The following DNAH3 variants were observed in gnomAD, a reference collection of about 807,000 sequenced individuals.
DNAH3 encodes axonemal beta dynein heavy chain 3.
DNAH3 carries 332 observed loss-of-function variants against 432.5 expected under a neutral mutation model. The ratio of observed to expected loss-of-function variants is 0.77; its 90% CI spans 0.70 to 0.84. DNAH3 has a LOEUF of 0.84. DNAH3 is among the 40% of genes least tolerant of loss of function. The pLI is 0.00. For missense variants in DNAH3, 4,861 were observed against 5,114.0 expected (o/e 0.95, Z 1.51); for synonymous variants, 1,956 against 1,900.2 (o/e 1.03, Z -0.76).
At chr16:20,944,574 G>T in exon 58 of DNAH3, 1 of 1,614,132 alleles carries the variant, frequency 6.2e-7, no homozygotes. Context: ...TGGTTTCCTG[G>T]TTGTCTTTGG....
At chr16:21,067,637 C>T (rs2090602054) in intron 23 of DNAH3, among the ~76,000 whole-genome samples, 1 of 151,670 alleles carries the variant, frequency 6.6e-6, no homozygotes, top group African/African-American at 2.4e-5. Context: ...TAAAACCAAC[C>T]AAACCCAATT....
At chr16:21,114,983 G>A (rs182372315) in intron 12 of DNAH3, among the ~76,000 whole-genome samples, 2 of 152,226 alleles carry the variant, frequency 1.3e-5, no homozygotes, top group African/African-American at 4.8e-5. Flanking sequence ...CAAAGACTTG[G>A]AACAAACCCA....
chr16:21,138,550 G>T lies in DNAH3; in HGVS notation c.696+1986C>A, dbSNP rs988877734. 5.3e-5 allele frequency among the ~76,000 whole-genome samples: 8 copies of T among 152,082 alleles called. No individual in the cohort carries two copies. The South Asian group carries it at 1.7e-3, about 33-fold the overall frequency. ...AGACTGGCTGGGTGCGGTGGCTCAC[G>T]CCATAATCCCAGCACTTTAGGAGGC... is the stretch of plus-strand genomic sequence containing the variant. On this transcript the variant is annotated intron_variant, in intron 5 of 61. Transcript: ENST00000261383.
chr16:21,106,383 C>A (rs1273846570), intron 15 of DNAH3, 107 bp downstream of exon 15: 11 of 927,144 alleles, frequency 1.2e-5, no homozygotes, highest in Non-Finnish European at 1.5e-5. Context: ...CAACACTTTA[C>A]CCCTAAATAT....
chr16:20,957,875 A>C (rs2152606138), intron 54 of DNAH3, among the ~76,000 whole-genome samples: 1 of 145,624 alleles, frequency 6.9e-6, no homozygotes, highest in Non-Finnish European at 1.5e-5. Flanking sequence ...TTTGAGTTAA[A>C]ATGGACTTTA....
intron 1 of DNAH3, among the ~76,000 whole-genome samples, chr16:21,148,487 G>C (rs1458805403): frequency 2.0e-5 from 3 of 151,220 alleles, no homozygotes; most frequent in Admixed American, 2.0e-4. Context: ...GCCCAGGCTG[G>C]AGTGCAGTGA....
chr16:21,016,539 G>C (rs1003788391), intron 41 of DNAH3, among the ~76,000 whole-genome samples: 1 of 152,172 alleles, frequency 6.6e-6, no homozygotes, highest in Non-Finnish European at 1.5e-5. Context: ...GGAGGAATCA[G>C]AACTTCTGTG....
At chr16:20,947,923 G>A (rs2084124275) in intron 57 of DNAH3, among the ~76,000 whole-genome samples, 1 of 152,060 alleles carries the variant, frequency 6.6e-6, no homozygotes, top group South Asian at 2.1e-4. Context: ...TTACAGGCAG[G>A]CGCCACCACA....
At chr16:20,985,396 A>G in exon 48 of DNAH3, 4 of 1,614,102 alleles carry the variant, frequency 2.5e-6, no homozygotes, top group Non-Finnish European at 1.7e-6. Flanking sequence ...TGCGTTCATG[A>G]ATGTGGACAG....
chr16:21,075,642 G>GCCACCATGCC, intron 20 of DNAH3, 81 bp from the exon 21 acceptor site: 2 of 1,079,604 alleles, frequency 1.9e-6, no homozygotes, highest in Non-Finnish European at 2.9e-6. Flanking sequence ...GCCAGGCATG[G>GCCACCATGCC]TGGCTCATGC....
At chr16:21,158,087 C>T (rs1444880560) in intron 1 of DNAH3, among the ~76,000 whole-genome samples, 1 of 152,194 alleles carries the variant, frequency 6.6e-6, no homozygotes, top group Non-Finnish European at 1.5e-5. Flanking sequence ...AACAGGGGCT[C>T]CTGCTCCGAC....
chr16:21,000,251 T>C, exon 43 of DNAH3: 1 of 1,614,046 alleles, frequency 6.2e-7, no homozygotes, highest in Non-Finnish European at 8.5e-7. Flanking sequence ...TTCTTCCCTA[T>C]GGGAGGCCCG....
At chr16:20,965,196 G>A (rs1460317958) in exon 53 of DNAH3, 11 of 1,613,846 alleles carry the variant, frequency 6.8e-6, no homozygotes, top group African/African-American at 5.3e-5. Context: ...CCTTGGCCAC[G>A]CGATCGTACA....
intron 19 of DNAH3, among the ~76,000 whole-genome samples, chr16:21,086,623 CG>C (rs989947092): frequency 6.6e-6 from 1 of 152,176 alleles, no homozygotes; most frequent in African/African-American, 2.4e-5. Context: ...CAACGAACCA[CG>C]ACCAATGGGG....
chr16:20,943,983 CAAAAA>C (rs35780087), intron 58 of DNAH3, among the ~76,000 whole-genome samples: 6 of 133,892 alleles, frequency 4.5e-5, no homozygotes, highest in Non-Finnish European at 8.0e-5. Context: ...AACCGTGTCT[CAAAAA>C]AAAAAAAGAA....
chr16:21,103,218 T>C (rs1163501335), intron 16 of DNAH3, among the ~76,000 whole-genome samples: 1 of 152,014 alleles, frequency 6.6e-6, no homozygotes, highest in Non-Finnish European at 1.5e-5. Context: ...GTTCAGTGTG[T>C]ACTGCTCAGG....
chr16:21,108,977 G>C (rs1481898823), intron 14 of DNAH3, among the ~76,000 whole-genome samples: 1 of 151,844 alleles, frequency 6.6e-6, no homozygotes, highest in Non-Finnish European at 1.5e-5. Context: ...CAAAACATTA[G>C]CCGGGTGTGG....
At chr16:20,964,412 C>T in exon 53 of DNAH3, 1 of 1,614,128 alleles carries the variant, frequency 6.2e-7, no homozygotes, top group Non-Finnish European at 8.5e-7. Context: ...ATGTTTTCAC[C>T]CAGCCTCATG....
chr16:21,015,529 A>T (rs1019279755), intron 41 of DNAH3, among the ~76,000 whole-genome samples: 1 of 152,206 alleles, frequency 6.6e-6, no homozygotes, highest in Admixed American at 6.5e-5. Context: ...ACAACACAAG[A>T]GTGAACCTTA....
Sources: gnomAD v4.1 joint callset for allele counts (sites outside exome capture counted in the v4.1 genomes callset) on GRCh38, gnomAD v4.1.1 for gene constraint, MANE v1.5 for transcripts, NCBI Gene and HGNC (gene_info 2026-07-23, HGNC 2026-07-21) for gene names.